Variants in NDST4 observed in about 807,000 individuals in gnomAD.
NDST4 encodes the protein N-heparan sulfate sulfotransferase 4.
Under a neutral mutation model 100.8 loss-of-function variants are expected in NDST4, and 63 were observed. That is an observed-to-expected ratio of 0.62 (90% CI 0.51 to 0.77). NDST4 has a LOEUF of 0.77. NDST4 is among the 30% of genes least tolerant of loss of function. NDST4 has a pLI of 0.00. For synonymous variants in NDST4, 377 were observed against 361.8 expected, an observed-to-expected ratio of 1.04 and a Z score of -0.48; for missense variants, 943 against 1,018.4, an observed-to-expected ratio of 0.93 and a Z score of 1.01.
chr4:114,989,136 AG>A (rs1726981271), intron 2 of NDST4, among the ~76,000 whole-genome samples: 1 of 152,194 alleles, frequency 6.6e-6, no homozygotes, highest in African/African-American at 2.4e-5. Context: ...AACACCTGCT[AG>A]TCTACCAAGT....
chr4:114,913,260 T>C (rs1725099252), intron 6 of NDST4, among the ~76,000 whole-genome samples: 3 of 152,170 alleles, frequency 2.0e-5, no homozygotes, highest in African/African-American at 7.2e-5. Flanking sequence ...AGGGCTAATT[T>C]AGAGTGATTG....
At chr4:114,844,191 T>C (rs538799805) in intron 10 of NDST4, among the ~76,000 whole-genome samples, 1 of 152,340 alleles carries the variant, frequency 6.6e-6, no homozygotes, top group Admixed American at 6.5e-5. Flanking sequence ...CATACCTCAC[T>C]AAGTCTATTG....
At chr4:114,891,942 T>C (rs1247005722) in intron 6 of NDST4, among the ~76,000 whole-genome samples, 1 of 152,140 alleles carries the variant, frequency 6.6e-6, no homozygotes, top group Non-Finnish European at 1.5e-5. Context: ...AATTTTACTT[T>C]TGGAAATTCT....
At chr4:115,105,240 GA>G (rs1348873172) in intron 1 of NDST4, among the ~76,000 whole-genome samples, 1 of 152,066 alleles carries the variant, frequency 6.6e-6, no homozygotes, top group Non-Finnish European at 1.5e-5. Flanking sequence ...TTAAAATTTA[GA>G]AGTTTATGGA....
intron 2 of NDST4, among the ~76,000 whole-genome samples, chr4:115,041,546 T>C (rs1728352069): frequency 6.6e-6 from 1 of 152,068 alleles, no homozygotes; most frequent in South Asian, 2.1e-4. Flanking sequence ...GGCTAGCTAA[T>C]GATATTCTCT....
At chr4:115,074,493 A>G (rs1729140132) in intron 2 of NDST4, among the ~76,000 whole-genome samples, 1 of 152,052 alleles carries the variant, frequency 6.6e-6, no homozygotes, top group Admixed American at 6.6e-5. Context: ...TACTAATTAA[A>G]GGAAATAATA....
At chr4:114,981,866 C>A (rs1726780970) in intron 2 of NDST4, among the ~76,000 whole-genome samples, 1 of 152,108 alleles carries the variant, frequency 6.6e-6, no homozygotes, top group Non-Finnish European at 1.5e-5. Flanking sequence ...ACCCAAATCT[C>A]ACATCAAATT....
At chr4:114,972,108 C>T (rs558328155) in intron 3 of NDST4, among the ~76,000 whole-genome samples, 6 of 152,078 alleles carry the variant, frequency 3.9e-5, no homozygotes, top group Middle Eastern at 3.4e-3. Context: ...AGAAACTTTG[C>T]CTGCGTAGAT....
At chr4:114,832,971 CCAGATATTCAA>C (rs1723231545) in intron 12 of NDST4, among the ~76,000 whole-genome samples, 1 of 120,916 alleles carries the variant, frequency 8.3e-6, no homozygotes, top group South Asian at 2.5e-4. Flanking sequence ...TGAGTCAAAG[CCAGATATTCAA>C]GTCTTCCAGG....
At position 115,076,365 on chromosome 4, in the gene NDST4, T is replaced by C. The variant is rs146965854; in HGVS notation, c.672A>G (p.Gln224=). ...CAGGCTGGTAGGTTGAATGATTATA[T>C]TGGAAAATAGTCCAGTCTTCCCCAG... ...PLPGEDWTIF[Q]YNHSTYQPVL... The change falls in exon 2 of 14, where the codon CAA becomes CAG. Residue 224 remains glutamine (Q), a synonymous_variant. Coordinates refer to ENST00000264363, the MANE Select transcript of NDST4 (RefSeq NM_022569.3). 736 of 1,614,012 alleles carry C rather than the reference T, an allele frequency of 4.6e-4. 12 individuals are homozygous for C. The South Asian group carries it at 5.8e-3, about 13-fold the overall frequency.
At chr4:115,047,385 C>T (rs1002771426) in intron 2 of NDST4, among the ~76,000 whole-genome samples, 6 of 151,926 alleles carry the variant, frequency 3.9e-5, no homozygotes, top group Non-Finnish European at 7.4e-5. Context: ...CACACATTTA[C>T]CAAAAGAATA....
chr4:114,935,417 A>G (rs1160608152), intron 5 of NDST4, 83 bp from the exon 6 acceptor site: 1 of 1,289,742 alleles, frequency 7.8e-7, no homozygotes, highest in East Asian at 2.8e-5. Context: ...AGAATCTGCA[A>G]ATTGTAATTT....
At chr4:114,986,619 A>T (rs1314814566) in intron 2 of NDST4, among the ~76,000 whole-genome samples, 1 of 151,266 alleles carries the variant, frequency 6.6e-6, no homozygotes, top group African/African-American at 2.4e-5. Flanking sequence ...TGCGTCCTGC[A>T]CTCTCTTCCT....
intron 2 of NDST4, among the ~76,000 whole-genome samples, chr4:114,990,941 T>C (rs1229303644): frequency 6.6e-6 from 1 of 152,074 alleles, no homozygotes; most frequent in Admixed American, 6.6e-5. Flanking sequence ...ACTTCAACTC[T>C]TATTGCTCTA....
intron 2 of NDST4, among the ~76,000 whole-genome samples, chr4:115,022,758 G>T (rs1727886567): frequency 2.0e-5 from 3 of 152,046 alleles, no homozygotes; most frequent in African/African-American, 7.2e-5. Context: ...TCTTTCCTGT[G>T]CTGGTCTCAT....
At chr4:115,112,554 A>G (rs62315330) in intron 1 of NDST4, among the ~76,000 whole-genome samples, 3,167 of 152,066 alleles carry the variant, frequency 0.021, 49 homozygotes, top group Non-Finnish European at 0.036. Context: ...CTCACAGTAT[A>G]ACTTATCATA....
At chr4:115,094,315 C>A (rs553280823) in intron 1 of NDST4, among the ~76,000 whole-genome samples, 2 of 152,128 alleles carry the variant, frequency 1.3e-5, no homozygotes, top group African/African-American at 4.8e-5. Context: ...AACAGAAGAT[C>A]TCATCAAAAC....
intron 1 of NDST4, among the ~76,000 whole-genome samples, chr4:115,098,722 T>C (rs895432744): frequency 6.6e-6 from 1 of 152,100 alleles, no homozygotes; most frequent in Non-Finnish European, 1.5e-5. Flanking sequence ...TTAATCAGGT[T>C]CCCCCTCTGT....
At chr4:114,967,574 G>A (rs1726411503) in intron 4 of NDST4, among the ~76,000 whole-genome samples, 1 of 152,064 alleles carries the variant, frequency 6.6e-6, no homozygotes, top group African/African-American at 2.4e-5. Context: ...GAGTGTAGTG[G>A]AATGAAGTGG....
Sources: allele counts gnomAD v4.1 joint callset (sites outside exome capture counted in the v4.1 genomes callset), GRCh38; gene constraint gnomAD v4.1.1; transcripts MANE v1.5; gene names NCBI Gene and HGNC (gene_info 2026-07-23, HGNC 2026-07-21).